Variants in ADCY8 observed in about 807,000 individuals in gnomAD.
The protein encoded by ADCY8 is adenylate cyclase 8.
In ADCY8, 51 loss-of-function variants were observed where a neutral mutation model predicts 119.7. The observed-to-expected ratio is 0.43, with a 90% confidence interval of 0.34 to 0.54. The LOEUF (loss-of-function observed/expected upper bound fraction) is 0.54. Among genes scored for constraint, ADCY8 ranks in the 20% least tolerant of loss-of-function variants. ADCY8 has a pLI of 0.03. For synonymous variants in ADCY8, 665 were observed against 651.0 expected, an observed-to-expected ratio of 1.02 and a Z score of -0.33; for missense variants, 1,383 against 1,598.8, an observed-to-expected ratio of 0.87 and a Z score of 2.30.
At chr8:130,986,839 T>A (rs753887349) in intron 2 of ADCY8, among the ~76,000 whole-genome samples, 38 of 152,206 alleles carry the variant, frequency 2.5e-4, no homozygotes, top group Non-Finnish European at 3.2e-4. Flanking sequence ...GAAATATATA[T>A]CTGTTATTGA....
At chr8:130,926,249 A>G (rs1051530481) in intron 5 of ADCY8, among the ~76,000 whole-genome samples, 7 of 151,896 alleles carry the variant, frequency 4.6e-5, no homozygotes, top group African/African-American at 1.7e-4. Context: ...GCACACATAC[A>G]TGTGGCTTTT....
chr8:130,805,438 C>T (rs1040069638), intron 14 of ADCY8, among the ~76,000 whole-genome samples: 3 of 152,162 alleles, frequency 2.0e-5, no homozygotes, highest in African/African-American at 4.8e-5. Context: ...TAGGTTTGTC[C>T]ATCTGATTGG....
chr8:130,792,633 C>A (rs530153062), intron 15 of ADCY8, among the ~76,000 whole-genome samples: 129 of 152,312 alleles, frequency 8.5e-4, no homozygotes, highest in African/African-American at 3.0e-3. Flanking sequence ...TTAGCCCTAT[C>A]TTTAAAGACA....
chr8:130,962,718 G>A (rs36109123), intron 2 of ADCY8, among the ~76,000 whole-genome samples: 2,014 of 152,280 alleles, frequency 0.013, 15 homozygotes, highest in Non-Finnish European at 0.019. Context: ...GCACTTTTGG[G>A]CTTACACATA....
chr8:131,012,092 T>C (rs888055157), intron 1 of ADCY8, among the ~76,000 whole-genome samples: 2 of 152,158 alleles, frequency 1.3e-5, no homozygotes, highest in Middle Eastern at 3.4e-3. Flanking sequence ...TGCTTTAGAG[T>C]TCCAGGTTGC....
chr8:130,978,644 T>C (rs181581031), intron 2 of ADCY8, among the ~76,000 whole-genome samples: 2 of 152,274 alleles, frequency 1.3e-5, no homozygotes. Context: ...TATGAAGACA[T>C]GACATATATA....
chr8:130,857,236 TA>T (rs33915228), intron 9 of ADCY8, among the ~76,000 whole-genome samples: 63 of 392 alleles, frequency 0.16, no homozygotes, highest in South Asian at 0.25. Context: ...AAACTTAAAG[TA>T]ATAATAAAAT....
At chr8:130,810,569 C>T (rs1470810095) in intron 14 of ADCY8, among the ~76,000 whole-genome samples, 1 of 152,164 alleles carries the variant, frequency 6.6e-6, no homozygotes, top group Non-Finnish European at 1.5e-5. Context: ...ATGGAACTCT[C>T]AAGGTTGTAA....
chr8:131,012,270 G>C (rs1335086195), intron 1 of ADCY8, among the ~76,000 whole-genome samples: 1 of 152,132 alleles, frequency 6.6e-6, no homozygotes, highest in African/African-American at 2.4e-5. Context: ...GGTGACCAGA[G>C]GCTCAGAGCA....
Position 130,990,463 on chromosome 8 carries a change from C to T in ADCY8, c.1040G>A (p.Arg347His), listed in dbSNP as rs201905912. The T allele has an allele frequency of 8.7e-6, 14 of 1,614,196 alleles. No homozygotes were observed. The highest frequency in any genetic ancestry group is 4.4e-5 in the South Asian group (4 of 91,088). ...FISYLSDRAQ[R>H]QAFLETRRCV... ...CCTCCGAGTCTCCAGGAAAGCTTGG[C>T]GCTGGGCCCGGTCTGACAGGTAACT... Residue 347 changes from arginine (R) to histidine (H), a missense_variant, in exon 2 of 18, where the codon CGC (arginine) becomes CAC (histidine). Arg to His is a conservative substitution (Grantham distance 29, BLOSUM62 0). Coordinates refer to ENST00000286355, the MANE Select transcript of ADCY8 (RefSeq NM_001115.3).
At chr8:131,025,237 G>T (rs1823786848) in intron 1 of ADCY8, among the ~76,000 whole-genome samples, 1 of 152,132 alleles carries the variant, frequency 6.6e-6, no homozygotes, top group Non-Finnish European at 1.5e-5. Context: ...TATTTGCAAG[G>T]TACATTTCAT....
intron 7 of ADCY8, among the ~76,000 whole-genome samples, chr8:130,888,539 G>T (rs186556385): frequency 6.6e-6 from 1 of 152,118 alleles, no homozygotes; most frequent in Non-Finnish European, 1.5e-5. Context: ...ATGGAGATTC[G>T]TGCTCTCCTC....
chr8:130,980,230 C>A (rs1427545741), intron 2 of ADCY8, among the ~76,000 whole-genome samples: 3 of 152,194 alleles, frequency 2.0e-5, no homozygotes, highest in African/African-American at 7.2e-5. Flanking sequence ...AAGGCCCACC[C>A]TAATCAAGTG....
chr8:130,851,426 T>C (rs1016216994), intron 9 of ADCY8, among the ~76,000 whole-genome samples: 1 of 152,050 alleles, frequency 6.6e-6, no homozygotes, highest in African/African-American at 2.4e-5. Context: ...GTGGGGAGCA[T>C]GAGCAAAACA....
chr8:130,812,384 C>T (rs1586438166), intron 14 of ADCY8, among the ~76,000 whole-genome samples: 2 of 152,200 alleles, frequency 1.3e-5, no homozygotes, highest in Admixed American at 1.3e-4. Flanking sequence ...CACTCATGCT[C>T]CCCTCAACAG....
At chr8:130,886,580 T>C (rs1179009281) in intron 7 of ADCY8, among the ~76,000 whole-genome samples, 1 of 152,080 alleles carries the variant, frequency 6.6e-6, no homozygotes, top group African/African-American at 2.4e-5. Flanking sequence ...GTGATAAAAC[T>C]CCATTTTCCG....
At chr8:131,001,433 T>C (rs997637922) in intron 1 of ADCY8, among the ~76,000 whole-genome samples, 1 of 151,990 alleles carries the variant, frequency 6.6e-6, no homozygotes, top group African/African-American at 2.4e-5. Flanking sequence ...TTTAGGCAAG[T>C]CACTTTATGT....
In ADCY8 at chr8:130,849,749, C is replaced by G; in HGVS notation, c.2265G>C (p.Leu755=). 2.5e-6 allele frequency: 4 copies of G among 1,613,780 alleles called. No homozygotes were observed. The highest frequency in any genetic ancestry group is 3.4e-6 in the Non-Finnish European group (4 of 1,179,872). The change falls in exon 10 of 18, where the codon CTG becomes CTC. Residue 755 remains leucine (L), a synonymous_variant. Transcript: ENST00000286355. ...FSILIMLHSA[L]VLITTAEDYK... The stretch of plus-strand genomic sequence containing the variant: ...AATCCTCTGCTGTGGTGATGAGGAC[C>G]AGAGCCGAGTGCAGCATAATCAGAA...
chr8:130,870,277 G>A (rs1239408962), intron 8 of ADCY8, among the ~76,000 whole-genome samples: 1 of 152,066 alleles, frequency 6.6e-6, no homozygotes, highest in Non-Finnish European at 1.5e-5. Context: ...CTCCTAAAGT[G>A]CTGGGATTAC....
Sources: allele counts gnomAD v4.1 joint callset (sites outside exome capture counted in the v4.1 genomes callset), GRCh38; gene constraint gnomAD v4.1.1; transcripts MANE v1.5; gene names NCBI Gene and HGNC (gene_info 2026-07-23, HGNC 2026-07-21).